Variants in PIK3C2G observed in about 807,000 individuals in gnomAD.
PIK3C2G encodes the protein phosphatidylinositol 3-kinase C2 domain-containing subunit gamma.
In PIK3C2G, 168 loss-of-function variants were observed where a neutral mutation model predicts 181.1. That is an observed-to-expected ratio of 0.93 (90% confidence interval 0.82 to 1.05). The LOEUF (loss-of-function observed/expected upper bound fraction) is 1.05. Among genes scored for constraint, PIK3C2G ranks in the 50% least tolerant of loss-of-function variants. The pLI is 0.00. For missense variants in PIK3C2G, 1,869 were observed against 1,732.8 expected, an observed-to-expected ratio of 1.08 and a Z score of -1.40; for synonymous variants, 573 against 592.2, an observed-to-expected ratio of 0.97 and a Z score of 0.47.
chr12:18,594,627 G>C, intron 30 of PIK3C2G, 58 bp downstream of exon 30: 1 of 883,328 alleles, frequency 1.1e-6, no homozygotes, highest in Middle Eastern at 2.3e-4. Context: ...TGGACAAAAA[G>C]ATATCACAAC....
At chr12:18,561,274 C>T (rs1003098712) in intron 26 of PIK3C2G, among the ~76,000 whole-genome samples, 14 of 152,080 alleles carry the variant, frequency 9.2e-5, no homozygotes, top group African/African-American at 3.1e-4. Flanking sequence ...TTGTACTATA[C>T]GGTACAGTTC....
intron 32 of PIK3C2G, among the ~76,000 whole-genome samples, chr12:18,643,976 T>C (rs138485166): frequency 6.6e-6 from 1 of 152,288 alleles, no homozygotes; most frequent in East Asian, 1.9e-4. Context: ...TGCATACCAA[T>C]GTCTTACAAA....
At chr12:18,262,023 A>G (rs1219082540) in intron 1 of PIK3C2G, among the ~76,000 whole-genome samples, 1 of 152,106 alleles carries the variant, frequency 6.6e-6, no homozygotes, top group African/African-American at 2.4e-5. Context: ...TGGCTCCCAG[A>G]GGAAATTCTT....
chr12:18,607,399 A>G (rs930556717), intron 30 of PIK3C2G, among the ~76,000 whole-genome samples: 3 of 152,172 alleles, frequency 2.0e-5, no homozygotes, highest in African/African-American at 7.2e-5. Flanking sequence ...AATGCCGCTT[A>G]TCTACAACTA....
chr12:18,456,973 T>C (rs2135918012), intron 18 of PIK3C2G, among the ~76,000 whole-genome samples: 1 of 152,234 alleles, frequency 6.6e-6, no homozygotes, highest in East Asian at 1.9e-4. Flanking sequence ...TTTGAGAACT[T>C]TGTAATCTTG....
chr12:18,652,716 T>C (rs1320821029), downstream of PIK3C2G, among the ~76,000 whole-genome samples: 1 of 152,172 alleles, frequency 6.6e-6, no homozygotes, highest in Non-Finnish European at 1.5e-5. Context: ...CTCACATTCA[T>C]ACAATGTTGC....
At chr12:18,547,398 G>A (rs1416583748) in intron 26 of PIK3C2G, among the ~76,000 whole-genome samples, 1 of 151,938 alleles carries the variant, frequency 6.6e-6, no homozygotes, top group African/African-American at 2.4e-5. Context: ...TGGGTGTGCT[G>A]CCCTTGTTGT....
intron 26 of PIK3C2G, among the ~76,000 whole-genome samples, chr12:18,549,174 C>CCGT (rs1944598430): frequency 6.6e-6 from 1 of 151,992 alleles, no homozygotes. Flanking sequence ...CTCGAACATG[C>CCGT]CGTCTTTTGT....
chr12:18,370,258 A>G (rs1210703488), intron 12 of PIK3C2G, among the ~76,000 whole-genome samples: 1 of 152,170 alleles, frequency 6.6e-6, no homozygotes, highest in East Asian at 1.9e-4. Context: ...TTACAGTAGT[A>G]TTTATGACCT....
intron 18 of PIK3C2G, among the ~76,000 whole-genome samples, chr12:18,473,409 C>G (rs528561399): frequency 1.3e-5 from 2 of 152,226 alleles, no homozygotes; most frequent in South Asian, 2.1e-4. Context: ...AGACAAAATG[C>G]CCTGTGTATC....
chr12:18,652,827 A>G (rs759900702), downstream of PIK3C2G, among the ~76,000 whole-genome samples: 7 of 152,132 alleles, frequency 4.6e-5, no homozygotes, highest in African/African-American at 7.2e-5. Flanking sequence ...GAGAGTAGTA[A>G]CATTCAGTTG....
intron 29 of PIK3C2G, among the ~76,000 whole-genome samples, chr12:18,573,027 G>T (rs562486386): frequency 6.6e-6 from 1 of 151,918 alleles, no homozygotes; most frequent in African/African-American, 2.4e-5. Context: ...TTCTTAAAAC[G>T]CCACTATTGA....
intron 16 of PIK3C2G, among the ~76,000 whole-genome samples, chr12:18,409,429 G>A (rs774346710): frequency 1.1e-4 from 17 of 152,006 alleles, no homozygotes; most frequent in Non-Finnish European, 2.1e-4. Flanking sequence ...GATAGCATTA[G>A]GAGAAATACC....
At chr12:18,411,234 A>C (rs1944853518) in intron 16 of PIK3C2G, among the ~76,000 whole-genome samples, 1 of 152,188 alleles carries the variant, frequency 6.6e-6, no homozygotes, top group Non-Finnish European at 1.5e-5. Context: ...TATCCAGTCA[A>C]AAAAATGAAA....
intron 16 of PIK3C2G, among the ~76,000 whole-genome samples, chr12:18,420,403 A>G (rs1232555011): frequency 6.6e-6 from 1 of 152,098 alleles, no homozygotes; most frequent in African/African-American, 2.4e-5. Flanking sequence ...CCATCCAAAA[A>G]TGAATAAGGC....
At chr12:18,336,263 A>G (rs1189107907) in intron 8 of PIK3C2G, among the ~76,000 whole-genome samples, 1 of 152,182 alleles carries the variant, frequency 6.6e-6, no homozygotes, top group Non-Finnish European at 1.5e-5. Context: ...GAGGGAGTCT[A>G]GGTACATGAA....
chr12:18,282,085 G>C lies in PIK3C2G; in HGVS notation c.4G>C (p.Ala2Pro), dbSNP rs1443758551. The C allele has an allele frequency of 6.3e-7, 1 of 1,576,848 alleles. No individual in the cohort carries two copies. The highest frequency in any genetic ancestry group is 8.6e-7 in the Non-Finnish European group (1 of 1,156,840). Residue 2 changes from alanine (A) to proline (P), a missense_variant, in exon 2 of 33, where the codon GCA becomes CCA. Physicochemically the swap from Ala to Pro is conservative, Grantham distance 27 (BLOSUM62 -1). Transcript: ENST00000538779. MAYSWQTDPNPN... is the reference protein window; with the variant it reads MPYSWQTDPNPN... ...TCTCAGTTACATAAAATAAAAAATGGCATATTCTTGGCAAACGGATCCAAA... is the reference window on the plus strand; with the variant it reads ...TCTCAGTTACATAAAATAAAAAATGCCATATTCTTGGCAAACGGATCCAAA...
chr12:18,434,584 C>G (rs1946346131), intron 18 of PIK3C2G, among the ~76,000 whole-genome samples: 1 of 152,082 alleles, frequency 6.6e-6, no homozygotes, highest in African/African-American at 2.4e-5. Flanking sequence ...TGTCTATATT[C>G]CGTAGGCCAG....
chr12:18,510,225 C>G (rs952370557), intron 24 of PIK3C2G, among the ~76,000 whole-genome samples: 13 of 152,148 alleles, frequency 8.5e-5, no homozygotes, highest in Admixed American at 6.5e-5. Flanking sequence ...GACCTCGGCC[C>G]AAAATGCTGG....
Sources: allele counts gnomAD v4.1 joint callset (sites outside exome capture counted in the v4.1 genomes callset), GRCh38; gene constraint gnomAD v4.1.1; transcripts MANE v1.5; gene names NCBI Gene and HGNC (gene_info 2026-07-23, HGNC 2026-07-21).